The following TNPO1 variants were observed in gnomAD, a reference collection of about 807,000 sequenced individuals.
The protein encoded by TNPO1 is transportin-1.
In TNPO1, 8 loss-of-function variants were observed where a neutral mutation model predicts 119.5. That is an observed-to-expected ratio of 0.07 (90% CI 0.04 to 0.12). The LOEUF is 0.12. Ranked by LOEUF, TNPO1 falls within the 10% of genes least tolerant of loss-of-function variation. The probability of loss-of-function intolerance (pLI) is 1.00; values close to 1 mark genes in which losing one functional copy is unlikely to be tolerated. For missense variants in TNPO1, 576 were observed against 1,089.8 expected (o/e 0.53, Z 6.64); for synonymous variants, 362 against 363.0 (o/e 1.00, Z 0.03).
At chr5:72,816,929 C>T in intron 1 of TNPO1, 177 bp downstream of exon 1, 1 of 684,362 alleles carries the variant, frequency 1.5e-6, no homozygotes, top group Non-Finnish European at 2.2e-6. Flanking sequence ...CAACAGCTGC[C>T]CGCCCAGGCG....
At chr5:72,896,640 C>G in intron 19 of TNPO1, 84 bp downstream of exon 19, 1 of 1,037,318 alleles carries the variant, frequency 9.6e-7, no homozygotes, top group East Asian at 2.8e-5. Context: ...GAGGCTGAGG[C>G]GGGCAGATCA....
In TNPO1 at chr5:72,912,267, C is replaced by G. The variant is rs1750617226; in HGVS notation, c.*3594C>G. 6.6e-6 allele frequency: 1 copy of G among 152,446 alleles called. No individual in the cohort carries two copies. The highest frequency in any genetic ancestry group is 2.4e-5 in the African/African-American group (1 of 41,434). The allele number at this position is 152,446 out of a possible 1,614,324, so 9.4% of individuals were successfully genotyped here. A position where few individuals can be genotyped will look rare whatever the true frequency, so the allele number is the denominator to read the frequency against. ...TCTTAAAAACAAAACAAGTAGCATA[C>G]ATTTTGTAATTAACATTGATAAACA... is the stretch of plus-strand genomic sequence containing the variant. On this transcript the variant is annotated 3_prime_UTR_variant, in exon 25 of 25. Coordinates refer to ENST00000337273, the MANE Select transcript of TNPO1 (RefSeq NM_002270.4).
chr5:72,887,338 A>T, intron 12 of TNPO1, 116 bp downstream of exon 12: 1 of 1,175,972 alleles, frequency 8.5e-7, no homozygotes, highest in Non-Finnish European at 1.2e-6. Flanking sequence ...AGTATTAAAC[A>T]GCCATAGGCC....
intron 11 of TNPO1, among the ~76,000 whole-genome samples, chr5:72,885,013 G>C (rs1748518895): frequency 6.6e-6 from 1 of 152,212 alleles, no homozygotes; most frequent in African/African-American, 2.4e-5. Flanking sequence ...AGTCTGGGCT[G>C]TGTTCTTCAT....
At position 72,883,085 on chromosome 5, in the gene TNPO1, A is replaced by C; in HGVS notation, c.1003A>C (p.Thr335Pro). 1 of 1,613,074 alleles carries C rather than the reference A, an allele frequency of 6.2e-7. No individual in the cohort carries two copies. The highest frequency in any genetic ancestry group is 8.5e-7 in the Non-Finnish European group (1 of 1,179,754). Residue 335 changes from threonine to proline, a missense_variant, in exon 11 of 25, where the codon ACG becomes CCG. Physicochemically the swap from Thr to Pro is conservative, Grantham distance 38. This residue lies in a region of TNPO1 where 310 missense variants were observed against 583.0 expected (regional missense o/e 0.53). Transcript: ENST00000337273. ...LLKGDVEEDE[T>P]IPDSEQDIRP... ...ACAGGGTGATGTTGAAGAAGACGAA[A>C]CGATTCCTGATAGTGAACAGGATAT...
At chr5:72,894,028 C>T (rs1434784537) in intron 18 of TNPO1, among the ~76,000 whole-genome samples, 1 of 152,164 alleles carries the variant, frequency 6.6e-6, no homozygotes, top group Non-Finnish European at 1.5e-5. Context: ...TGAGTAGCCA[C>T]CTTTTTGGTA....
intron 4 of TNPO1, among the ~76,000 whole-genome samples, chr5:72,858,131 G>A (rs1343392293): frequency 6.6e-6 from 1 of 152,180 alleles, no homozygotes; most frequent in Admixed American, 6.5e-5. Flanking sequence ...TACTACAGAT[G>A]AAGGAGCTTC....
At chr5:72,842,722 T>C (rs1167508525) in intron 1 of TNPO1, among the ~76,000 whole-genome samples, 1 of 152,178 alleles carries the variant, frequency 6.6e-6, no homozygotes, top group Non-Finnish European at 1.5e-5. Flanking sequence ...TATGACACAT[T>C]CTAAAAATTA....
Position 72,851,135 on chromosome 5 carries a change from A to G in TNPO1, c.130-109A>G, listed in dbSNP as rs1443501790. The G allele has an allele frequency of 2.2e-5, 15 of 693,152 alleles. No individual in the cohort carries two copies. The East Asian group carries it at 3.0e-4, about 14-fold the overall frequency. The allele number at this position is 693,152 out of a possible 1,614,324, so 42.9% of individuals were successfully genotyped here. On this transcript the variant is annotated intron_variant, in intron 2 of 24. Transcript: ENST00000337273. ...TCCTTATTCTTAGTTTAAAAAAAAA[A>G]CGCAGGACTGAAAATACCACCAAAG...
At chr5:72,862,497 C>CT (rs11391014) in intron 5 of TNPO1, 88,365 of 146,282 alleles carry the variant, frequency 0.6, 28,232 homozygotes, top group Middle Eastern at 0.72. Flanking sequence ...CTAATTTTTT[C>CT]TTTTTTTTTT....
At chr5:72,889,562 A>G (rs546251698) in intron 13 of TNPO1, among the ~76,000 whole-genome samples, 54 of 152,222 alleles carry the variant, frequency 3.5e-4, no homozygotes, top group African/African-American at 1.3e-3. Flanking sequence ...CTTACAGGTT[A>G]GTAGGAAATA....
intron 1 of TNPO1, among the ~76,000 whole-genome samples, chr5:72,846,292 T>G (rs1745125341): frequency 6.6e-6 from 1 of 152,214 alleles, no homozygotes; most frequent in African/African-American, 2.4e-5. Flanking sequence ...GAACAAATTA[T>G]GCTCTATCCA....
At position 72,909,855 on chromosome 5, in the gene TNPO1, C is replaced by A. The variant is rs758805727; in HGVS notation, c.*1182C>A. 4 of 152,520 alleles carry A rather than the reference C, an allele frequency of 2.6e-5. No individual in the cohort carries two copies. The highest frequency in any genetic ancestry group is 5.9e-5 in the Non-Finnish European group (4 of 68,020). 9.4% of individuals were successfully genotyped at this position (152,520 alleles called of 1,614,324 possible). A position where few individuals can be genotyped will look rare whatever the true frequency, so the allele number is the denominator to read the frequency against. On this transcript the variant is annotated 3_prime_UTR_variant, in exon 25 of 25. Transcript: ENST00000337273. ...CTGCACAATGTGGAAAGCTGATATA[C>A]CTGTGCAAAATCTTTGCCTCTGTGC...
intron 3 of TNPO1, among the ~76,000 whole-genome samples, chr5:72,852,518 C>G (rs1288698120): frequency 1.3e-5 from 2 of 152,156 alleles, no homozygotes; most frequent in Non-Finnish European, 2.9e-5. Flanking sequence ...TGATTGGCCT[C>G]TAAATGAAAG....
intron 14 of TNPO1, among the ~76,000 whole-genome samples, chr5:72,890,653 T>G (rs1193479937): frequency 6.6e-6 from 1 of 152,088 alleles, no homozygotes; most frequent in Non-Finnish European, 1.5e-5. Flanking sequence ...TTTGTGGGGG[T>G]TTGTTTTCTG....
chr5:72,858,475 G>A (rs1290648437), intron 4 of TNPO1, among the ~76,000 whole-genome samples: 2 of 152,176 alleles, frequency 1.3e-5, no homozygotes, highest in East Asian at 3.8e-4. Context: ...ATTAGTGAAG[G>A]TGGTGGAAAG....
chr5:72,861,701 C>A, intron 4 of TNPO1, 107 bp from the exon 5 acceptor site: 1 of 791,522 alleles, frequency 1.3e-6, no homozygotes, highest in Non-Finnish European at 2.1e-6. Context: ...CCATGCCTGG[C>A]CAAATGTTAT....
rs1380391649 is a variant in TNPO1, at chr5:72,912,003, TATTC to T, written c.*3334_*3337del. ...TAGCGAGTGAACTTAGTGCCACAGG[TATTC>T]ATTTATTCAGGAAAGAATTTTGCTT... On this transcript the variant is annotated 3_prime_UTR_variant, in exon 25 of 25. Coordinates refer to ENST00000337273, the MANE Select transcript of TNPO1 (RefSeq NM_002270.4). 1 of 152,494 alleles carries T rather than the reference TATTC, an allele frequency of 6.6e-6. No homozygotes were observed. The highest frequency in any genetic ancestry group is 1.5e-5 in the Non-Finnish European group (1 of 67,934). The allele number at this position is 152,494 out of a possible 1,614,324, so 9.4% of individuals were successfully genotyped here.
chr5:72,820,991 A>G (rs954814365), intron 1 of TNPO1, among the ~76,000 whole-genome samples: 7 of 152,180 alleles, frequency 4.6e-5, no homozygotes, highest in Non-Finnish European at 5.9e-5. Flanking sequence ...AAACCAAAGA[A>G]ATCTCAAATT....
Sources: allele counts gnomAD v4.1 joint callset (sites outside exome capture counted in the v4.1 genomes callset), GRCh38; gene constraint gnomAD v4.1.1; regional missense constraint gnomAD v4.1.1; transcripts MANE v1.5; gene names NCBI Gene and HGNC (gene_info 2026-07-23, HGNC 2026-07-21).